Variants in NALCN observed in about 807,000 individuals in gnomAD.
NALCN encodes sodium leak channel NALCN.
Under a neutral mutation model 225.3 loss-of-function variants are expected in NALCN, and 111 were observed. That is an observed-to-expected ratio of 0.49 (90% CI 0.42 to 0.58). The LOEUF (loss-of-function observed/expected upper bound fraction) is 0.58. Among genes scored for constraint, NALCN ranks in the 20% least tolerant of loss-of-function variants. NALCN has a pLI of 0.00. For synonymous variants in NALCN, 764 were observed against 769.0 expected (o/e 0.99, Z 0.11); for missense variants, 1,378 against 2,202.4 (o/e 0.63, Z 7.49).
At chr13:101,317,920 T>C (rs186281841) in intron 7 of NALCN, among the ~76,000 whole-genome samples, 1 of 152,332 alleles carries the variant, frequency 6.6e-6, no homozygotes, top group East Asian at 1.9e-4. Flanking sequence ...TTTTAACGTA[T>C]TGAAATGTCA....
chr13:101,117,896 A>G (rs1477107600), intron 18 of NALCN, among the ~76,000 whole-genome samples: 4 of 152,218 alleles, frequency 2.6e-5, no homozygotes, highest in Non-Finnish European at 5.9e-5. Flanking sequence ...GGAAACAGTA[A>G]AAAGATCATT....
intron 13 of NALCN, among the ~76,000 whole-genome samples, chr13:101,196,266 T>C (rs1228794740): frequency 2.0e-5 from 3 of 152,182 alleles, no homozygotes; most frequent in Non-Finnish European, 4.4e-5. Flanking sequence ...CTTTCTTCTA[T>C]CTCAAGTAGC....
intron 40 of NALCN, among the ~76,000 whole-genome samples, chr13:101,064,045 T>C (rs2032172414): frequency 6.6e-6 from 1 of 152,216 alleles, no homozygotes; most frequent in Non-Finnish European, 1.5e-5. Context: ...AGTAAGTGCT[T>C]CCTTTATTAT....
intron 15 of NALCN, among the ~76,000 whole-genome samples, chr13:101,154,576 T>C (rs891316033): frequency 6.6e-6 from 1 of 152,164 alleles, no homozygotes; most frequent in African/African-American, 2.4e-5. Flanking sequence ...TTACGTGTGC[T>C]TTTCCCCTAC....
In NALCN at chr13:101,111,196, T is replaced by C; in HGVS notation, c.2223A>G (p.Gly741=). ...CCTTTGCGGGCTGCCCCTCAAATGATCCGCTCAGCATGCGCTGTCGGGTGC... is the reference window on the plus strand; with the variant it reads ...CCTTTGCGGGCTGCCCCTCAAATGACCCGCTCAGCATGCGCTGTCGGGTGC... ...RACTRQRMLS[G]SFEGQPAKER... is the part of the protein sequence containing the mutation. The change falls in exon 19 of 44, where the codon GGA becomes GGG. Residue 741 remains glycine (G), a synonymous_variant. Transcript: ENST00000251127. The C allele has an allele frequency of 6.2e-7, 1 of 1,606,660 alleles. No individual in the cohort carries two copies. Among genetic ancestry groups the C allele is most frequent in the Non-Finnish European group, 8.5e-7 (1 of 1,174,948 alleles).
intron 15 of NALCN, among the ~76,000 whole-genome samples, chr13:101,163,743 G>A (rs1457473883): frequency 6.6e-6 from 1 of 152,068 alleles, no homozygotes; most frequent in Non-Finnish European, 1.5e-5. Flanking sequence ...AGGCTCTGGA[G>A]GTGTGTTAGT....
At position 101,346,087 on chromosome 13, in the gene NALCN, C is replaced by CTCTCTCTCTCTATATATATATA; in HGVS notation, c.645-668_645-667insTATATATATATAGAGAGAGAGA. Among the ~76,000 whole-genome samples, 427 of 70,818 alleles carry CTCTCTCTCTCTATATATATATA rather than the reference C, an allele frequency of 6.0e-3. 3 individuals carry two copies. The highest frequency in any genetic ancestry group is 8.4e-3 in the Non-Finnish European group (316 of 37,460). 46.5% of individuals were successfully genotyped at this position (70,818 alleles called of 152,430 possible). On this transcript the variant is annotated intron_variant, in intron 6 of 43. Coordinates refer to ENST00000251127, the MANE Select transcript of NALCN (RefSeq NM_052867.4). ...TCTCTCTCTCTCTCTCTCTCTCTCT[C>CTCTCTCTCTCTATATATATATA]TATATATATATATATATATATATAT...
intron 19 of NALCN, 41 bp downstream of exon 19, chr13:101,111,084 T>G (rs1419144292): frequency 1.3e-6 from 2 of 1,574,620 alleles, no homozygotes; most frequent in Admixed American, 3.4e-5. Flanking sequence ...AAAACCCCCC[T>G]TTTTTAGAGT....
At chr13:101,224,799 G>C (rs563414121) in intron 13 of NALCN, among the ~76,000 whole-genome samples, 3 of 152,062 alleles carry the variant, frequency 2.0e-5, no homozygotes, top group Non-Finnish European at 4.4e-5. Flanking sequence ...TCCCATTGAA[G>C]GGCCCATAAC....
At chr13:101,067,360 A>G (rs1485153370) in intron 39 of NALCN, among the ~76,000 whole-genome samples, 6 of 150,960 alleles carry the variant, frequency 4.0e-5, no homozygotes, top group Non-Finnish European at 8.9e-5. Flanking sequence ...GAGGAGGAGT[A>G]GGAGGAAGGG....
At chr13:101,202,413 T>C (rs548452050) in intron 13 of NALCN, among the ~76,000 whole-genome samples, 116 of 152,306 alleles carry the variant, frequency 7.6e-4, no homozygotes, top group African/African-American at 2.7e-3. Context: ...AAATTGTACC[T>C]AAATACACAT....
At chr13:101,295,838 T>A (rs565574) in intron 7 of NALCN, among the ~76,000 whole-genome samples, 4 of 152,108 alleles carry the variant, frequency 2.6e-5, no homozygotes, top group Non-Finnish European at 5.9e-5. Flanking sequence ...TTACTACTCC[T>A]GGCTTTGCCA....
intron 1 of NALCN, among the ~76,000 whole-genome samples, chr13:101,401,537 A>G (rs2047479564): frequency 6.6e-6 from 1 of 152,222 alleles, no homozygotes; most frequent in South Asian, 2.1e-4. Flanking sequence ...CAATGGGCAT[A>G]TGAATTCCAT....
intron 9 of NALCN, among the ~76,000 whole-genome samples, chr13:101,284,578 A>G (rs1243403813): frequency 2.6e-5 from 4 of 152,210 alleles, no homozygotes; most frequent in African/African-American, 7.2e-5. Context: ...AACTGGTGTT[A>G]TTTTAATGGT....
Position 101,285,624 on chromosome 13 carries a change from A to G in NALCN, c.1048-1605T>C, listed in dbSNP as rs1056716534. On this transcript the variant is annotated intron_variant, in intron 9 of 43. Coordinates refer to ENST00000251127, the MANE Select transcript of NALCN (RefSeq NM_052867.4). ...CATTTACATAAAGCTCCTTTGACAA[A>G]GATGCCAACTGCAAATTGCTCATCT... Among the ~76,000 whole-genome samples, 2 of 152,186 alleles carry G rather than the reference A, an allele frequency of 1.3e-5. 1 individual carries two copies. The highest frequency in any genetic ancestry group is 2.9e-5 in the Non-Finnish European group (2 of 68,046).
chr13:101,259,458 C>G (rs1387323605), intron 10 of NALCN, among the ~76,000 whole-genome samples: 2 of 151,686 alleles, frequency 1.3e-5, no homozygotes, highest in East Asian at 1.9e-4. Flanking sequence ...TTCAGCCTCC[C>G]GAGTAGCTGG....
rs1386766466 is a variant in NALCN, at chr13:101,089,732, T to C, written c.3420A>G (p.Val1140=). 2 of 1,613,882 alleles carry C rather than the reference T, an allele frequency of 1.2e-6. No individual in the cohort carries two copies. Among genetic ancestry groups the C allele is most frequent in the African/African-American group, 2.7e-5 (2 of 74,904 alleles). Residue 1140 remains valine, a synonymous_variant, in exon 30 of 44, where the codon GTA becomes GTG. Coordinates refer to ENST00000251127, the MANE Select transcript of NALCN (RefSeq NM_052867.4). The surrounding 1 kb of genome is among the most constrained non-coding windows in gnomAD (Gnocchi z 4.7). The part of the protein sequence containing the change: ...PIHGIYIHVF[V]FLGCMIGLTL... The stretch of plus-strand genomic sequence containing the variant: ...TCAGTCCAATCATGCAACCCAGGAA[T>C]ACAAAAACATGAATATAGATTCCAT...
chr13:101,146,389 T>C (rs565304610), intron 15 of NALCN, among the ~76,000 whole-genome samples: 3 of 152,282 alleles, frequency 2.0e-5, no homozygotes, highest in Non-Finnish European at 2.9e-5. Context: ...AACAGTTCCA[T>C]GGTTATGATG....
At chr13:101,197,092 T>C (rs1480954462) in intron 13 of NALCN, among the ~76,000 whole-genome samples, 2 of 152,336 alleles carry the variant, frequency 1.3e-5, no homozygotes, top group Non-Finnish European at 2.9e-5. Context: ...ATTTTGCCTC[T>C]GGAACAAGTG....
Sources: gnomAD v4.1 joint callset for allele counts (sites outside exome capture counted in the v4.1 genomes callset) on GRCh38, gnomAD v4.1.1 for gene constraint, Gnocchi (gnomAD v3.1) non-coding constraint, MANE v1.5 for transcripts, NCBI Gene and HGNC (gene_info 2026-07-23, HGNC 2026-07-21) for gene names.